ARHGAP24: variants seen among roughly 807,000 people sequenced by gnomAD.
ARHGAP24 encodes the protein Rho GTPase activating protein 24.
A neutral mutation model predicts 76.4 loss-of-function variants in ARHGAP24; 50 were observed. The ratio of observed to expected loss-of-function variants is 0.65; its 90% CI spans 0.52 to 0.83. The LOEUF is 0.83. Among genes scored for constraint, ARHGAP24 ranks in the 40% least tolerant of loss-of-function variants. The pLI is 0.00. For missense variants in ARHGAP24, 930 were observed against 914.2 expected, an observed-to-expected ratio of 1.02 and a Z score of -0.22; for synonymous variants, 345 against 323.3, an observed-to-expected ratio of 1.07 and a Z score of -0.72.
intron 1 of ARHGAP24, among the ~76,000 whole-genome samples, chr4:85,483,978 T>C (rs1446189769): frequency 6.6e-6 from 1 of 152,208 alleles, no homozygotes; most frequent in Non-Finnish European, 1.5e-5. Flanking sequence ...AGCTAGATAC[T>C]TAACATATAT....
chr4:85,738,232 A>G (rs1185879339), intron 3 of ARHGAP24, among the ~76,000 whole-genome samples: 4 of 152,074 alleles, frequency 2.6e-5, no homozygotes, highest in Non-Finnish European at 1.5e-5. Context: ...AGGAAGTGGT[A>G]TCTCATTGTG....
At chr4:85,949,640 G>T (rs745733292) in intron 5 of ARHGAP24, among the ~76,000 whole-genome samples, 2 of 152,154 alleles carry the variant, frequency 1.3e-5, no homozygotes, top group African/African-American at 4.8e-5. Context: ...GAAGCTACAA[G>T]ACCTTTAAGG....
intron 2 of ARHGAP24, among the ~76,000 whole-genome samples, chr4:85,716,201 C>G (rs1379954065): frequency 6.6e-6 from 1 of 152,036 alleles, no homozygotes; most frequent in East Asian, 1.9e-4. Flanking sequence ...TCAACAGCAT[C>G]TACCCTTACC....
chr4:85,580,393 A>G (rs1409302022), intron 2 of ARHGAP24, among the ~76,000 whole-genome samples: 1 of 152,114 alleles, frequency 6.6e-6, no homozygotes, highest in Non-Finnish European at 1.5e-5. Context: ...AAATATGACA[A>G]AAATAACCTA....
Position 85,943,104 on chromosome 4 carries a change from C to G in ARHGAP24, c.599+831C>G, listed in dbSNP as rs964595238. ...ATATTGTTAGACATTTACATTATGA[C>G]ATTTTCATTATTATAAATACTATTG... On this transcript the variant is annotated intron_variant, in intron 5 of 9. Coordinates refer to ENST00000395184, the MANE Select transcript of ARHGAP24 (RefSeq NM_001025616.3). Among the ~76,000 whole-genome samples the G allele has an allele frequency of 2.0e-5, 3 of 152,064 alleles. No individual in the cohort carries two copies. The East Asian group carries it at 5.8e-4, about 29-fold the overall frequency.
At chr4:85,920,621 A>G (rs1161556017) in intron 3 of ARHGAP24, among the ~76,000 whole-genome samples, 2 of 152,314 alleles carry the variant, frequency 1.3e-5, no homozygotes, top group East Asian at 1.9e-4. Context: ...AAATTTTTGC[A>G]TGCATCTGAC....
intron 5 of ARHGAP24, among the ~76,000 whole-genome samples, chr4:85,949,523 A>T (rs927203287): frequency 6.6e-6 from 1 of 152,180 alleles, no homozygotes; most frequent in Non-Finnish European, 1.5e-5. Flanking sequence ...TGGCTGATTG[A>T]GTCTCTTGTT....
intron 2 of ARHGAP24, among the ~76,000 whole-genome samples, chr4:85,616,928 G>A (rs1482777998): frequency 6.6e-6 from 1 of 151,862 alleles, no homozygotes; most frequent in East Asian, 1.9e-4. Context: ...ATGCCCAGCG[G>A]CTTCCTTTTA....
intron 1 of ARHGAP24, 71 bp from the exon 2 acceptor site, chr4:85,570,451 G>C: frequency 1.0e-6 from 1 of 955,598 alleles, no homozygotes; most frequent in South Asian, 1.5e-5. Flanking sequence ...TTCTGGAGAA[G>C]AGTGGTTTAA....
intron 1 of ARHGAP24, among the ~76,000 whole-genome samples, chr4:85,559,411 A>G (rs879384981): frequency 9.9e-5 from 15 of 152,192 alleles, no homozygotes; most frequent in Non-Finnish European, 1.6e-4. Context: ...ATTTTTTGTG[A>G]TGAGAACACT....
At chr4:85,989,542 G>C (rs7686475) in intron 8 of ARHGAP24, among the ~76,000 whole-genome samples, 45,548 of 151,442 alleles carry the variant, frequency 0.3, 7,643 homozygotes, top group African/African-American at 0.45. Context: ...TTTTATGAGG[G>C]CAGTGTTGCT....
intron 2 of ARHGAP24, among the ~76,000 whole-genome samples, chr4:85,625,730 A>C (rs1176004670): frequency 6.6e-6 from 1 of 152,136 alleles, no homozygotes; most frequent in African/African-American, 2.4e-5. Context: ...GTCACTAAGG[A>C]CTTGCTTTAT....
intron 2 of ARHGAP24, among the ~76,000 whole-genome samples, chr4:85,584,602 GA>G (rs907141520): frequency 2.0e-5 from 3 of 151,420 alleles, no homozygotes; most frequent in African/African-American, 7.3e-5. Context: ...AATAATAAAA[GA>G]AAAAAATCTA....
At chr4:85,603,064 G>C (rs1720083923) in intron 2 of ARHGAP24, among the ~76,000 whole-genome samples, 1 of 152,094 alleles carries the variant, frequency 6.6e-6, no homozygotes, top group African/African-American at 2.4e-5. Flanking sequence ...AATTTATTTT[G>C]TTCTGCCTTT....
intron 3 of ARHGAP24, among the ~76,000 whole-genome samples, chr4:85,786,750 A>G (rs1391082598): frequency 6.6e-6 from 1 of 152,168 alleles, no homozygotes; most frequent in African/African-American, 2.4e-5. Context: ...CAGGCTTGTC[A>G]CTAACTCTGC....
intron 2 of ARHGAP24, among the ~76,000 whole-genome samples, chr4:85,697,276 A>G (rs1458462572): frequency 6.6e-6 from 1 of 152,194 alleles, no homozygotes; most frequent in Non-Finnish European, 1.5e-5. Flanking sequence ...GAGCTTAACT[A>G]TCTAGTTGTG....
At chr4:85,631,210 A>G (rs546198571) in intron 2 of ARHGAP24, among the ~76,000 whole-genome samples, 45 of 152,154 alleles carry the variant, frequency 3.0e-4, no homozygotes, top group Non-Finnish European at 4.7e-4. Context: ...CGAAAGATAA[A>G]AAAGATAAAA....
chr4:85,930,085 C>T (rs1736240993), intron 4 of ARHGAP24, among the ~76,000 whole-genome samples: 1 of 152,156 alleles, frequency 6.6e-6, no homozygotes. Context: ...GCACTGGAAG[C>T]AGCCGCAGCC....
At chr4:85,894,932 G>A (rs1051267068) in intron 3 of ARHGAP24, among the ~76,000 whole-genome samples, 2 of 118,286 alleles carry the variant, frequency 1.7e-5, no homozygotes, top group Non-Finnish European at 3.4e-5. Context: ...CTGTACTCTA[G>A]CCTGGGCAAC....
Sources: gnomAD v4.1 joint callset for allele counts (sites outside exome capture counted in the v4.1 genomes callset) on GRCh38, gnomAD v4.1.1 for gene constraint, MANE v1.5 for transcripts, NCBI Gene and HGNC (gene_info 2026-07-23, HGNC 2026-07-21) for gene names.